The following ADAMTSL1 variants were observed in gnomAD, a reference collection of about 807,000 sequenced individuals.
ADAMTSL1 encodes ADAMTS like 1.
A neutral mutation model predicts 201.8 loss-of-function variants in ADAMTSL1; 126 were observed. The observed-to-expected ratio is 0.62, with a 90% CI of 0.54 to 0.72. The LOEUF (loss-of-function observed/expected upper bound fraction) is 0.72. ADAMTSL1 is among the 30% of genes least tolerant of loss of function. The probability of loss-of-function intolerance (pLI) is 0.00; values close to 1 mark genes in which losing one functional copy is unlikely to be tolerated. For synonymous variants in ADAMTSL1, 1,121 were observed against 903.4 expected (o/e 1.24, Z -4.32); for missense variants, 2,679 against 2,277.8 (o/e 1.18, Z -3.59).
rs1480841491 is a variant in ADAMTSL1 at position 18,910,347 on chromosome 9, CAATATT to C, written c.*1804_*1809del. The C allele has an allele frequency of 2.0e-5, 3 of 152,156 alleles. No homozygotes were observed. Among genetic ancestry groups the C allele is most frequent in the Non-Finnish European group, 4.4e-5 (3 of 68,024 alleles). 9.4% of individuals were successfully genotyped at this position (152,156 alleles called of 1,614,324 possible). On this transcript the variant is annotated 3_prime_UTR_variant, in exon 29 of 29. Transcript: ENST00000380548. ...ATTAGGATTTCTTATTAAAAAAGTG[CAATATT>C]AATAATTGTACATTGTCATCCAGAA...
rs542789227 is a variant in ADAMTSL1, at chr9:18,458,686, G to C, written c.208-46143G>C. 7.2e-5 allele frequency among the ~76,000 whole-genome samples: 11 copies of C among 152,214 alleles called. No homozygotes were observed. In the East Asian group the frequency reaches 1.9e-3, roughly 27 times the overall value. On this transcript the variant is annotated intron_variant, in intron 2 of 29. Transcript: ENST00000680146. ...ATACCGGGAAAAAGATTCGATCCAG[G>C]CAGTGCTCAGTCAGTGAGGATTTTC...
At chr9:18,865,051 T>C (rs888425410) in intron 23 of ADAMTSL1, among the ~76,000 whole-genome samples, 2 of 152,226 alleles carry the variant, frequency 1.3e-5, no homozygotes, top group African/African-American at 4.8e-5. Flanking sequence ...TCTCTTTTTT[T>C]AATTATACTT....
chr9:18,824,116 G>A (rs1346391964), intron 21 of ADAMTSL1, among the ~76,000 whole-genome samples: 1 of 152,084 alleles, frequency 6.6e-6, no homozygotes, highest in East Asian at 1.9e-4. Flanking sequence ...GTTCTTTCAG[G>A]AGAAAAATAG....
intron 2 of ADAMTSL1, among the ~76,000 whole-genome samples, chr9:18,431,012 T>G (rs1819465723): frequency 6.6e-6 from 1 of 152,160 alleles, no homozygotes; most frequent in Non-Finnish European, 1.5e-5. Flanking sequence ...ACTGCCCAGA[T>G]GCGTACACTA....
chr9:18,908,930 T>C lies in ADAMTSL1; in HGVS notation c.*382T>C, dbSNP rs1313836088. 1 of 176,982 alleles carries C rather than the reference T, an allele frequency of 5.7e-6. No individual in the cohort carries two copies. Among genetic ancestry groups the C allele is most frequent in the Non-Finnish European group, 1.2e-5 (1 of 82,958 alleles). The allele number at this position is 176,982 out of a possible 1,614,324, so 11.0% of individuals were successfully genotyped here. On this transcript the variant is annotated 3_prime_UTR_variant, in exon 29 of 29. Coordinates refer to ENST00000380548, the MANE Select transcript of ADAMTSL1 (RefSeq NM_001040272.6). ...GGTTTGTAGCCTATTGGTGCAAACATTGGACAAATTCCTGTGTCTTTCCTA... is the reference window on the plus strand; with the variant it reads ...GGTTTGTAGCCTATTGGTGCAAACACTGGACAAATTCCTGTGTCTTTCCTA...
chr9:17,965,707 C>T (rs1244468301), intron 1 of ADAMTSL1, among the ~76,000 whole-genome samples: 1 of 152,086 alleles, frequency 6.6e-6, no homozygotes. Context: ...TTCAATTGGG[C>T]TTGAATAATT....
At chr9:18,132,154 C>A (rs772179653) in intron 1 of ADAMTSL1, among the ~76,000 whole-genome samples, 1 of 152,244 alleles carries the variant, frequency 6.6e-6, no homozygotes, top group African/African-American at 2.4e-5. Flanking sequence ...ACAAGATGCC[C>A]TACTTTACTT....
chr9:18,657,691 C>G lies in ADAMTSL1; in HGVS notation c.887C>G (p.Pro296Arg), dbSNP rs1285843431. 6.2e-7 allele frequency: 1 copy of G among 1,614,102 alleles called. No homozygotes were observed. The highest frequency in any genetic ancestry group is 8.5e-7 in the Non-Finnish European group (1 of 1,180,044). The change falls in exon 8 of 29, where the codon CCC (proline) becomes CGC (arginine). Residue 296 changes from proline (P) to arginine (R), a missense_variant. Physicochemically the swap from Pro to Arg is moderately radical, Grantham distance 103. Transcript: ENST00000380548. ...ACAGTCCAGTTCATCTTCTATCAAC[C>G]CATCATCCACCGATGGAGGGAGACG... Reference protein sequence around the residue: ...DSTVQFIFYQPIIHRWRETDF... With the variant: ...DSTVQFIFYQRIIHRWRETDF...
At chr9:18,606,107 T>C (rs1306033161) in intron 4 of ADAMTSL1, among the ~76,000 whole-genome samples, 1 of 152,210 alleles carries the variant, frequency 6.6e-6, no homozygotes, top group East Asian at 1.9e-4. Context: ...CTGTTTGGGC[T>C]GAGTTCAGTT....
At chr9:18,543,363 A>T (rs1034163844) in intron 3 of ADAMTSL1, among the ~76,000 whole-genome samples, 11 of 151,848 alleles carry the variant, frequency 7.2e-5, no homozygotes, top group African/African-American at 2.7e-4. Flanking sequence ...TTTTAATGCT[A>T]AAATTAGATA....
At chr9:18,290,011 A>T (rs750649674) in intron 2 of ADAMTSL1, among the ~76,000 whole-genome samples, 15 of 152,218 alleles carry the variant, frequency 9.9e-5, no homozygotes, top group Non-Finnish European at 1.8e-4. Context: ...AATCCTTCAC[A>T]GCAGGTTCAA....
At chr9:18,124,142 G>A (rs1825634459) in intron 1 of ADAMTSL1, among the ~76,000 whole-genome samples, 1 of 138,456 alleles carries the variant, frequency 7.2e-6, no homozygotes, top group African/African-American at 2.7e-5. Context: ...GAGTGCAGTG[G>A]CTCCGTCTCA....
At chr9:18,016,132 A>G (rs1820250784) in intron 1 of ADAMTSL1, among the ~76,000 whole-genome samples, 1 of 152,028 alleles carries the variant, frequency 6.6e-6, no homozygotes, top group Non-Finnish European at 1.5e-5. Flanking sequence ...CATAAGAGAG[A>G]GAGTCAGAAG....
chr9:18,325,619 C>G (rs1264330997), intron 2 of ADAMTSL1, among the ~76,000 whole-genome samples: 1 of 152,160 alleles, frequency 6.6e-6, no homozygotes, highest in Non-Finnish European at 1.5e-5. Context: ...GCTGGGAAGT[C>G]CAAGATCAAG....
intron 2 of ADAMTSL1, among the ~76,000 whole-genome samples, chr9:18,345,369 T>C (rs1835668609): frequency 6.6e-6 from 1 of 151,998 alleles, no homozygotes; most frequent in Non-Finnish European, 1.5e-5. Flanking sequence ...TAAGAAGAAC[T>C]AACATCAGAA....
chr9:17,964,660 G>C lies in ADAMTSL1; in HGVS notation c.87+57738G>C, dbSNP rs183731386. Among the ~76,000 whole-genome samples the C allele has an allele frequency of 7.5e-4, 114 of 152,242 alleles. 1 individual carries two copies. Among genetic ancestry groups the C allele is most frequent in the African/African-American group, 2.7e-3 (114 of 41,552 alleles). ...GGATGATATCAATGTTAATATCTTTGTTATGCTCTTGTACTGTAGTGGTAG... is the reference window on the plus strand; with the variant it reads ...GGATGATATCAATGTTAATATCTTTCTTATGCTCTTGTACTGTAGTGGTAG... On this transcript the variant is annotated intron_variant, in intron 1 of 29. Coordinates refer to the ADAMTSL1 transcript ENST00000680146.
chr9:18,726,648 C>A (rs1236674774), intron 15 of ADAMTSL1, among the ~76,000 whole-genome samples: 2 of 151,916 alleles, frequency 1.3e-5, no homozygotes, highest in Non-Finnish European at 2.9e-5. Flanking sequence ...CATTTGATAG[C>A]CTGGCCAGTG....
intron 3 of ADAMTSL1, among the ~76,000 whole-genome samples, chr9:18,550,452 A>C (rs948299240): frequency 2.6e-5 from 4 of 151,918 alleles, no homozygotes; most frequent in Non-Finnish European, 5.9e-5. Context: ...TCTGAGATGG[A>C]GGGGGCCGTG....
intron 1 of ADAMTSL1, among the ~76,000 whole-genome samples, chr9:18,029,928 A>G (rs1405055075): frequency 2.0e-5 from 3 of 151,536 alleles, no homozygotes; most frequent in Non-Finnish European, 4.4e-5. Flanking sequence ...GAGAAATAGG[A>G]ACACTTTTAC....
Sources: gnomAD v4.1 joint callset for allele counts (sites outside exome capture counted in the v4.1 genomes callset) on GRCh38, gnomAD v4.1.1 for gene constraint, MANE v1.5 for transcripts, NCBI Gene and HGNC (gene_info 2026-07-23, HGNC 2026-07-21) for gene names.